The following GASK1A variants were observed in gnomAD, a reference collection of about 807,000 sequenced individuals.
The protein encoded by GASK1A is golgi associated kinase 1A, also known as Golgi-associated kinase 1A.
A neutral mutation model predicts 41.2 loss-of-function variants in GASK1A; 40 were observed. That is an observed-to-expected ratio of 0.97 (90% confidence interval 0.75 to 1.27). The LOEUF (loss-of-function observed/expected upper bound fraction) is 1.27. Ranked by LOEUF, GASK1A falls within the 50% of genes most tolerant of loss-of-function variation. The pLI, the probability that GASK1A is intolerant of heterozygous loss-of-function variation, is 0.00. For synonymous variants in GASK1A, 316 were observed against 307.1 expected (o/e 1.03, Z -0.30); for missense variants, 678 against 745.1 (o/e 0.91, Z 1.05).
intron 1 of GASK1A, among the ~76,000 whole-genome samples, chr3:43,016,584 G>A (rs2089492497): frequency 6.6e-6 from 1 of 151,870 alleles, no homozygotes; most frequent in African/African-American, 2.4e-5. Flanking sequence ...TCACAGGAAG[G>A]GGCTGTGTGA....
Position 43,006,070 on chromosome 3 carries a change from C to A in GASK1A, c.4-26197C>A, listed in dbSNP as rs182925182. 4.6e-5 allele frequency among the ~76,000 whole-genome samples: 7 copies of A among 152,218 alleles called. No homozygotes were observed. In the South Asian group the frequency reaches 1.5e-3, roughly 32 times the overall value. ...CTGTTTCTCTCTAGTTAGTAATCAT[C>A]TTTTTTGTTTCCTTAGTTTTTTTCA... On this transcript the variant is annotated intron_variant, in intron 1 of 4. Transcript: ENST00000430121.
chr3:43,053,060 G>A (rs984004048), intron 2 of GASK1A, among the ~76,000 whole-genome samples: 1 of 152,246 alleles, frequency 6.6e-6, no homozygotes, highest in African/African-American at 2.4e-5. Flanking sequence ...CAGGCCTGCT[G>A]CAGGGTGAAA....
intron 2 of GASK1A, 142 bp downstream of exon 2, chr3:43,033,695 A>C: frequency 1.4e-6 from 1 of 736,764 alleles, no homozygotes; most frequent in Non-Finnish European, 2.0e-6. Flanking sequence ...TGCTTTTGTA[A>C]TTTTCCTGCC....
At chr3:43,024,335 C>T (rs115607301) in intron 1 of GASK1A, among the ~76,000 whole-genome samples, 57 of 152,324 alleles carry the variant, frequency 3.7e-4, no homozygotes, top group South Asian at 1.2e-3. Context: ...GTGAAAACCA[C>T]AGTAAAGGCT....
Position 43,033,493 on chromosome 3 carries a change from G to T in GASK1A, c.1230G>T (p.Pro410=). The T allele has an allele frequency of 1.9e-6, 3 of 1,549,928 alleles. No homozygotes were observed. The highest frequency in any genetic ancestry group is 2.6e-6 in the Non-Finnish European group (3 of 1,146,542). Residue 410 remains proline, a synonymous_variant, in exon 2 of 5, where the codon CCG becomes CCT. Transcript: ENST00000430121. ...AHSCNWPGQA[P]CPGIHHTEWA... ...GCTGCAACTGGCCAGGCCAGGCCCC[G>T]TGCCCGGGCATCCACCATACCGAGT...
intron 1 of GASK1A, among the ~76,000 whole-genome samples, chr3:43,003,449 C>T (rs867119942): frequency 4.0e-5 from 6 of 149,514 alleles, no homozygotes; most frequent in East Asian, 4.0e-4. Context: ...GAGCCAAGAT[C>T]GCACCACTGC....
At chr3:43,004,889 G>A (rs1420755735) in intron 1 of GASK1A, among the ~76,000 whole-genome samples, 1 of 152,234 alleles carries the variant, frequency 6.6e-6, no homozygotes, top group Admixed American at 6.5e-5. Context: ...AGTCCAAAGT[G>A]AGTCTTATTT....
rs556774932 is a variant in GASK1A at position 43,017,022 on chromosome 3, C to A, written c.4-15245C>A. On this transcript the variant is annotated intron_variant, in intron 1 of 4. Transcript: ENST00000430121. The stretch of plus-strand genomic sequence containing the variant: ...GGGGCTGTTAGGTCACAGGACAGGA[C>A]CATGTAAAGTCACAGGAAGTGTTGT... Among the ~76,000 whole-genome samples, 3 of 148,028 alleles carry A rather than the reference C, an allele frequency of 2.0e-5. No individual in the cohort carries two copies. The East Asian group carries it at 6.3e-4, about 31-fold the overall frequency.
intron 1 of GASK1A, among the ~76,000 whole-genome samples, chr3:42,980,095 C>T (rs1575431546): frequency 1.3e-5 from 2 of 152,258 alleles, no homozygotes; most frequent in East Asian, 3.9e-4. Flanking sequence ...AAATAATGTC[C>T]TAACGTTTAT....
Position 42,988,546 on chromosome 3 carries a change from C to T in GASK1A, c.3+8901C>T, listed in dbSNP as rs72869035. Among the ~76,000 whole-genome samples the T allele has an allele frequency of 4.8e-3, 728 of 152,300 alleles. 4 individuals carry two copies. Among genetic ancestry groups the T allele is most frequent in the African/African-American group, 0.016 (674 of 41,552 alleles). On this transcript the variant is annotated intron_variant, in intron 1 of 4. Transcript: ENST00000430121. ...AGTCAGACCCAGAGACACAGGGATGCGAGATGAAGAGAGTAAGGCACAGAG... is the reference window on the plus strand; with the variant it reads ...AGTCAGACCCAGAGACACAGGGATGTGAGATGAAGAGAGTAAGGCACAGAG...
In GASK1A at chr3:42,979,582, C is replaced by G; in HGVS notation, c.-61C>G. 8.1e-7 allele frequency: 1 copy of G among 1,238,688 alleles called. No individual in the cohort carries two copies. Among genetic ancestry groups the G allele is most frequent in the Non-Finnish European group, 1.0e-6 (1 of 987,216 alleles). 76.7% of individuals were successfully genotyped at this position (1,238,688 alleles called of 1,614,324 possible). Reference sequence around the variant, plus strand: ...GGCGCCGGGGGCGGCCAAGGGGAGGCGGGATGAGTCTGCGAGCCGGCTGAG... The same window carrying G: ...GGCGCCGGGGGCGGCCAAGGGGAGGGGGGATGAGTCTGCGAGCCGGCTGAG... On this transcript the variant is annotated 5_prime_UTR_variant, in exon 1 of 5. Transcript: ENST00000430121.
intron 1 of GASK1A, among the ~76,000 whole-genome samples, chr3:43,030,652 T>C (rs1235147152): frequency 6.6e-6 from 1 of 152,224 alleles, no homozygotes; most frequent in Non-Finnish European, 1.5e-5. Flanking sequence ...AATGGGCCCC[T>C]GCTCTCTATT....
At chr3:43,039,205 G>T (rs75779422) in intron 2 of GASK1A, among the ~76,000 whole-genome samples, 19,889 of 125,290 alleles carry the variant, frequency 0.16, 1,708 homozygotes, top group South Asian at 0.38. Flanking sequence ...TTTTTTTTTG[G>T]TTTTTTTTTT....
intron 1 of GASK1A, among the ~76,000 whole-genome samples, chr3:42,988,568 A>G (rs1237559092): frequency 6.6e-6 from 1 of 152,262 alleles, no homozygotes; most frequent in African/African-American, 2.4e-5. Flanking sequence ...AGTAAGGCAC[A>G]GAGACAAACG....
At chr3:43,023,346 C>G (rs935165117) in intron 1 of GASK1A, among the ~76,000 whole-genome samples, 2 of 152,162 alleles carry the variant, frequency 1.3e-5, no homozygotes, top group Non-Finnish European at 2.9e-5. Context: ...TTGATTTTGA[C>G]CCGGTGAAAC....
chr3:43,039,226 G>A (rs1159837200), intron 2 of GASK1A, among the ~76,000 whole-genome samples: 5 of 117,574 alleles, frequency 4.3e-5, no homozygotes, highest in African/African-American at 1.3e-4. Context: ...TTTTTGAGAT[G>A]GAGTCTGACT....
intron 2 of GASK1A, among the ~76,000 whole-genome samples, chr3:43,049,300 A>G (rs531350096): frequency 6.8e-6 from 1 of 147,002 alleles, no homozygotes; most frequent in African/African-American, 2.4e-5. Context: ...ATAGAGATGT[A>G]TCAATAGATA....
chr3:43,053,855 G>T (rs1013218014), intron 3 of GASK1A: 1 of 686,474 alleles, frequency 1.5e-6, no homozygotes, highest in Non-Finnish European at 2.6e-6. Flanking sequence ...GCCTGAGGAG[G>T]GGTGTGGGGT....
chr3:43,019,922 G>A (rs1371092776), intron 1 of GASK1A, among the ~76,000 whole-genome samples: 1 of 152,190 alleles, frequency 6.6e-6, no homozygotes, highest in Non-Finnish European at 1.5e-5. Context: ...CATCTTCCCT[G>A]CCCAGCATGT....
Sources: allele counts gnomAD v4.1 joint callset (sites outside exome capture counted in the v4.1 genomes callset), GRCh38; gene constraint gnomAD v4.1.1; transcripts MANE v1.5; gene names NCBI Gene and HGNC (gene_info 2026-07-23, HGNC 2026-07-21).